Variants in VEGFC observed in about 807,000 individuals in gnomAD.
The protein encoded by VEGFC is FLT4 ligand DHM.
VEGFC carries 12 observed loss-of-function variants against 46.1 expected under a neutral mutation model. The observed-to-expected ratio is 0.26, with a 90% confidence interval of 0.17 to 0.42. The LOEUF (loss-of-function observed/expected upper bound fraction) is 0.42, where lower values mean the gene tolerates loss of function less well. Ranked by LOEUF, VEGFC falls within the 10% of genes least tolerant of loss-of-function variation. The pLI is 1.00. For synonymous variants in VEGFC, 232 were observed against 195.5 expected, an observed-to-expected ratio of 1.19 and a Z score of -1.56; for missense variants, 488 against 529.4, an observed-to-expected ratio of 0.92 and a Z score of 0.77.
intron 3 of VEGFC, among the ~76,000 whole-genome samples, chr4:176,712,682 T>C (rs920249349): frequency 6.6e-6 from 1 of 152,202 alleles, no homozygotes; most frequent in Non-Finnish European, 1.5e-5. Context: ...TGGCCTTTGC[T>C]GAACTTTCAC....
chr4:176,776,500 T>A (rs1236429780), intron 1 of VEGFC, among the ~76,000 whole-genome samples: 2 of 152,164 alleles, frequency 1.3e-5, no homozygotes, highest in South Asian at 2.1e-4. Context: ...AAGGAGCCAA[T>A]GAAGAGAGGC....
intron 1 of VEGFC, among the ~76,000 whole-genome samples, chr4:176,744,663 A>C (rs1261764059): frequency 1.3e-5 from 2 of 152,134 alleles, no homozygotes; most frequent in Non-Finnish European, 1.5e-5. Flanking sequence ...AACAATTATT[A>C]GTATGTTTAT....
At chr4:176,734,470 C>T (rs991644386) in intron 1 of VEGFC, among the ~76,000 whole-genome samples, 6 of 151,826 alleles carry the variant, frequency 4.0e-5, no homozygotes, top group African/African-American at 1.4e-4. Context: ...ACAGACTACA[C>T]TATCACATTT....
At chr4:176,768,491 C>CATACATATATATATAT (rs1553996841) in intron 1 of VEGFC, among the ~76,000 whole-genome samples, 4 of 100,536 alleles carry the variant, frequency 4.0e-5, no homozygotes, top group African/African-American at 6.2e-5. Context: ...ATGTTTTATA[C>CATACATATATATATAT]ATATATATAT....
At chr4:176,728,518 T>C (rs1394938475) in intron 2 of VEGFC, among the ~76,000 whole-genome samples, 1 of 152,188 alleles carries the variant, frequency 6.6e-6, no homozygotes, top group Non-Finnish European at 1.5e-5. Context: ...TACAAGGCTA[T>C]TTTTCACCAA....
At chr4:176,753,904 G>T (rs149879455) in intron 1 of VEGFC, among the ~76,000 whole-genome samples, 2 of 152,072 alleles carry the variant, frequency 1.3e-5, no homozygotes, top group East Asian at 3.9e-4. Flanking sequence ...ACTATTATTT[G>T]CTAACAAAGC....
intron 4 of VEGFC, among the ~76,000 whole-genome samples, chr4:176,711,112 C>T (rs1055750744): frequency 6.6e-6 from 1 of 151,954 alleles, no homozygotes; most frequent in Non-Finnish European, 1.5e-5. Context: ...TTTATATTTA[C>T]TTTTTGTTTT....
intron 3 of VEGFC, among the ~76,000 whole-genome samples, chr4:176,714,799 T>C (rs1357815938): frequency 1.3e-5 from 2 of 152,174 alleles, no homozygotes; most frequent in African/African-American, 4.8e-5. Flanking sequence ...CAAATCAGGA[T>C]CCACCCATGG....
intron 3 of VEGFC, among the ~76,000 whole-genome samples, chr4:176,716,663 C>CAG (rs1433636038): frequency 6.8e-6 from 1 of 146,082 alleles, no homozygotes; most frequent in Non-Finnish European, 1.5e-5. Context: ...TACATATACA[C>CAG]AGAGAGAGAT....
At chr4:176,726,157 A>G (rs915822996) in intron 3 of VEGFC, among the ~76,000 whole-genome samples, 1 of 152,180 alleles carries the variant, frequency 6.6e-6, no homozygotes, top group Non-Finnish European at 1.5e-5. Context: ...ATTATATGTT[A>G]GTCTATCAAA....
At chr4:176,700,428 G>C (rs77844645) in intron 4 of VEGFC, among the ~76,000 whole-genome samples, 1 of 151,898 alleles carries the variant, frequency 6.6e-6, no homozygotes, top group Non-Finnish European at 1.5e-5. Context: ...AAAAAAAAGG[G>C]TGTTTATATG....
chr4:176,728,464 T>C (rs1454925525), intron 2 of VEGFC, among the ~76,000 whole-genome samples: 1 of 152,206 alleles, frequency 6.6e-6, no homozygotes, highest in Non-Finnish European at 1.5e-5. Flanking sequence ...TCAGGCGGAC[T>C]ATTTGGCAAC....
intron 1 of VEGFC, among the ~76,000 whole-genome samples, chr4:176,788,796 TG>T (rs1268559429): frequency 2.0e-5 from 3 of 152,142 alleles, no homozygotes; most frequent in Non-Finnish European, 4.4e-5. Context: ...CGGGGACTGT[TG>T]GTATATGCCA....
chr4:176,780,155 A>C (rs1338600190), intron 1 of VEGFC, among the ~76,000 whole-genome samples: 1 of 152,072 alleles, frequency 6.6e-6, no homozygotes, highest in African/African-American at 2.4e-5. Flanking sequence ...AGAGGCGGGC[A>C]GGTCACCTGA....
chr4:176,714,926 C>G (rs1356975854), intron 3 of VEGFC, among the ~76,000 whole-genome samples: 1 of 152,152 alleles, frequency 6.6e-6, no homozygotes, highest in Non-Finnish European at 1.5e-5. Context: ...TCTATGCTTT[C>G]AAAGGCTGCA....
rs567749153 is a variant in VEGFC at position 176,695,865 on chromosome 4, A to G, written c.705-7938T>C. 2.3e-3 allele frequency among the ~76,000 whole-genome samples: 357 copies of G among 152,186 alleles called. 1 individual carries two copies. Among genetic ancestry groups the G allele is most frequent in the African/African-American group, 7.6e-3 (317 of 41,458 alleles). Reference sequence around the variant, plus strand: ...AATAAATGTAATCCAGCATATAAACAGAGCCAAAGACAAAAACCACATGAT... The same window carrying G: ...AATAAATGTAATCCAGCATATAAACGGAGCCAAAGACAAAAACCACATGAT... On this transcript the variant is annotated intron_variant, in intron 4 of 6. Coordinates refer to ENST00000618562, the MANE Select transcript of VEGFC (RefSeq NM_005429.5).
chr4:176,698,794 G>T (rs1440593179), intron 4 of VEGFC, among the ~76,000 whole-genome samples: 1 of 151,878 alleles, frequency 6.6e-6, no homozygotes, highest in South Asian at 2.1e-4. Flanking sequence ...CCATATATAA[G>T]GGAGATCAGT....
chr4:176,697,627 A>T (rs1202582314), intron 4 of VEGFC, among the ~76,000 whole-genome samples: 3 of 151,676 alleles, frequency 2.0e-5, no homozygotes, highest in African/African-American at 7.3e-5. Flanking sequence ...CAGCCATCCC[A>T]TTACTGGGTA....
At chr4:176,772,517 C>A (rs915178206) in intron 1 of VEGFC, among the ~76,000 whole-genome samples, 10 of 152,166 alleles carry the variant, frequency 6.6e-5, no homozygotes, top group Non-Finnish European at 1.2e-4. Context: ...GAAAACAAAT[C>A]TAGAAAGTAC....
Sources: allele counts gnomAD v4.1 joint callset (sites outside exome capture counted in the v4.1 genomes callset), GRCh38; gene constraint gnomAD v4.1.1; transcripts MANE v1.5; gene names NCBI Gene and HGNC (gene_info 2026-07-23, HGNC 2026-07-21).